The following ADAMTSL3 variants were observed in gnomAD, a reference collection of about 807,000 sequenced individuals.
The protein encoded by ADAMTSL3 is ADAMTS like 3.
In ADAMTSL3, 128 loss-of-function variants were observed where a neutral mutation model predicts 201.7. That is an observed-to-expected ratio of 0.63 (90% CI 0.55 to 0.73). The LOEUF is 0.73. Ranked by LOEUF, ADAMTSL3 falls within the 30% of genes least tolerant of loss-of-function variation. The pLI is 0.00. For missense variants in ADAMTSL3, 1,990 were observed against 2,119.6 expected (o/e 0.94, Z 1.20); for synonymous variants, 738 against 748.4 (o/e 0.99, Z 0.23).
chr15:83,928,433 A>G (rs2066288889), intron 17 of ADAMTSL3, among the ~76,000 whole-genome samples: 1 of 152,234 alleles, frequency 6.6e-6, no homozygotes, highest in African/African-American at 2.4e-5. Context: ...ACATGAAGCT[A>G]GTCTTCACCA....
chr15:83,894,016 C>T (rs2065562585), intron 13 of ADAMTSL3, among the ~76,000 whole-genome samples: 1 of 152,118 alleles, frequency 6.6e-6, no homozygotes, highest in African/African-American at 2.4e-5. Flanking sequence ...CTTGCTCCAA[C>T]CACCCAAAAG....
intron 6 of ADAMTSL3, among the ~76,000 whole-genome samples, chr15:83,822,663 TTCC>T (rs1217470840): frequency 6.8e-6 from 1 of 146,692 alleles, no homozygotes; most frequent in Non-Finnish European, 1.5e-5. Context: ...CACTCCTCAC[TTCC>T]TAGATGGGAT....
chr15:83,977,917 A>AG (rs2067314894), intron 20 of ADAMTSL3, among the ~76,000 whole-genome samples: 1 of 152,208 alleles, frequency 6.6e-6, no homozygotes, highest in African/African-American at 2.4e-5. Flanking sequence ...CACTGTGTTC[A>AG]GAGAAGCCTG....
intron 27 of ADAMTSL3, 169 bp downstream of exon 27, chr15:84,025,605 A>G: frequency 4.5e-6 from 3 of 663,870 alleles, no homozygotes; most frequent in Admixed American, 3.3e-5. Context: ...TAGAAATCAT[A>G]GTATCTCTGT....
intron 6 of ADAMTSL3, among the ~76,000 whole-genome samples, chr15:83,827,686 G>C (rs1325620091): frequency 6.6e-6 from 1 of 152,154 alleles, no homozygotes; most frequent in Non-Finnish European, 1.5e-5. Flanking sequence ...ATTAATTTTT[G>C]TATAAGGTGC....
chr15:83,751,090 C>T (rs1406037777), intron 3 of ADAMTSL3, among the ~76,000 whole-genome samples: 2 of 152,040 alleles, frequency 1.3e-5, no homozygotes, highest in East Asian at 1.9e-4. Context: ...TAGTCTAGTT[C>T]GAGATGGACA....
At chr15:83,846,022 A>C (rs1357668238) in intron 7 of ADAMTSL3, among the ~76,000 whole-genome samples, 1 of 152,206 alleles carries the variant, frequency 6.6e-6, no homozygotes, top group East Asian at 1.9e-4. Flanking sequence ...CACTTAGACC[A>C]GCATCCCTAT....
rs146037616 is a variant in ADAMTSL3 at position 83,876,809 on chromosome 15, A to G, written c.960+5850A>G. ...ACCATGCCTGGCTATTTATTCATTT[A>G]TTTATTTGAGTCTCTCTCTGTCGCC... On this transcript the variant is annotated intron_variant, in intron 9 of 29. Transcript: ENST00000286744. 7.8e-3 allele frequency among the ~76,000 whole-genome samples: 1,179 copies of G among 151,858 alleles called. 7 individuals carry two copies. Among genetic ancestry groups the G allele is most frequent in the Non-Finnish European group, 0.012 (846 of 67,908 alleles).
rs758922703 is a variant in ADAMTSL3 at position 83,787,060 on chromosome 15, A to T, written c.317+13410A>T. ...CAATGCTCTTCTTTCCGCCTAAATC[A>T]TCCTTTTCTCCTTGTTCTGGTTGAC... is the stretch of plus-strand genomic sequence containing the variant. On this transcript the variant is annotated intron_variant, in intron 4 of 29. Transcript: ENST00000286744. 3.0e-4 allele frequency among the ~76,000 whole-genome samples: 45 copies of T among 152,120 alleles called. 1 individual carries two copies. Among genetic ancestry groups the T allele is most frequent in the Admixed American group, 2.9e-3 (45 of 15,278 alleles).
intron 21 of ADAMTSL3, among the ~76,000 whole-genome samples, chr15:83,985,221 C>T (rs1033386672): frequency 1.3e-5 from 2 of 151,806 alleles, no homozygotes; most frequent in South Asian, 2.1e-4. Flanking sequence ...AAAAAATCAC[C>T]GTGTATCTCA....
At chr15:83,900,666 A>C (rs2065705937) in intron 15 of ADAMTSL3, among the ~76,000 whole-genome samples, 1 of 152,234 alleles carries the variant, frequency 6.6e-6, no homozygotes, top group Non-Finnish European at 1.5e-5. Flanking sequence ...CAACACCTTC[A>C]GCAATGGGCA....
intron 9 of ADAMTSL3, among the ~76,000 whole-genome samples, chr15:83,880,922 C>A (rs1389569284): frequency 6.6e-6 from 1 of 150,786 alleles, no homozygotes; most frequent in Admixed American, 6.6e-5. Flanking sequence ...TTTTTTTTCA[C>A]TTTTTTGGGT....
At chr15:83,832,711 A>G (rs1413354532) in intron 6 of ADAMTSL3, among the ~76,000 whole-genome samples, 1 of 152,058 alleles carries the variant, frequency 6.6e-6, no homozygotes, top group Admixed American at 6.6e-5. Context: ...GTGAGCCATA[A>G]TGACTACTTG....
chr15:83,801,651 A>AATAAATATATATATATATATATAT (rs2063518782), intron 4 of ADAMTSL3, among the ~76,000 whole-genome samples: 1 of 31,288 alleles, frequency 3.2e-5, no homozygotes, highest in Non-Finnish European at 6.7e-5. Flanking sequence ...TATAAATATA[A>AATAAATATATATATATATATATAT]ATATATATAT....
intron 19 of ADAMTSL3, among the ~76,000 whole-genome samples, chr15:83,954,967 G>A (rs2142074273): frequency 6.6e-6 from 1 of 152,268 alleles, no homozygotes; most frequent in African/African-American, 2.4e-5. Flanking sequence ...ATAGCACTGG[G>A]TTTCACCCAA....
At chr15:83,697,849 G>A (rs1440434928) in intron 2 of ADAMTSL3, among the ~76,000 whole-genome samples, 2 of 152,056 alleles carry the variant, frequency 1.3e-5, no homozygotes, top group Non-Finnish European at 2.9e-5. Context: ...AGAGGTTGGG[G>A]GTGAGGACTG....
intron 20 of ADAMTSL3, among the ~76,000 whole-genome samples, chr15:83,973,649 C>T (rs2067233041): frequency 6.6e-6 from 1 of 152,200 alleles, no homozygotes; most frequent in Non-Finnish European, 1.5e-5. Flanking sequence ...AACTACTGTA[C>T]TGACCCATTT....
At chr15:83,899,954 TAACTC>T (rs1244835711) in intron 15 of ADAMTSL3, among the ~76,000 whole-genome samples, 3 of 152,188 alleles carry the variant, frequency 2.0e-5, no homozygotes. Flanking sequence ...CAGTGTTACT[TAACTC>T]AAAGCAGATC....
Position 83,965,809 on chromosome 15 carries a change from A to G in ADAMTSL3, c.2491-4675A>G, listed in dbSNP as rs565048046. On this transcript the variant is annotated intron_variant, in intron 19 of 29. Transcript: ENST00000286744. ...TAAAACACTCCTCAGCAAATACAAAAGAGTGGAAATTTTAACAAACAGTCT... is the reference window on the plus strand; with the variant it reads ...TAAAACACTCCTCAGCAAATACAAAGGAGTGGAAATTTTAACAAACAGTCT... Among the ~76,000 whole-genome samples the G allele has an allele frequency of 5.3e-5, 8 of 152,336 alleles. No homozygotes were observed. In the South Asian group the frequency reaches 1.7e-3, roughly 32 times the overall value.
Sources: gnomAD v4.1 joint callset for allele counts (sites outside exome capture counted in the v4.1 genomes callset) on GRCh38, gnomAD v4.1.1 for gene constraint, MANE v1.5 for transcripts, NCBI Gene and HGNC (gene_info 2026-07-23, HGNC 2026-07-21) for gene names.